The following RGPD2 variants were observed in gnomAD, a reference collection of about 807,000 sequenced individuals.
RGPD2 encodes the protein RANBP2-like and GRIP domain-containing protein 2.
In RGPD2, 2 loss-of-function variants were observed where a neutral mutation model predicts 36.0. The observed-to-expected ratio is 0.06, with a 90% CI of 0.02 to 0.17. The LOEUF (loss-of-function observed/expected upper bound fraction) is 0.17, where lower values mean the gene tolerates loss of function less well. RGPD2 is among the 10% of genes least tolerant of loss of function. The pLI is 1.00. For missense variants in RGPD2, 40 were observed against 464.3 expected (o/e 0.09, Z 8.40); for synonymous variants, 19 against 163.8 (o/e 0.12, Z 6.75).
chr2:87,830,828 G>A, the RGPD2 span, among the ~76,000 whole-genome samples: 2 of 151,942 alleles, frequency 1.3e-5, no homozygotes, highest in Non-Finnish European at 2.9e-5. Flanking sequence ...GAACAGCACT[G>A]GAAAAACCCA....
chr2:87,905,672 T>A, the RGPD2 span, among the ~76,000 whole-genome samples: 1 of 150,014 alleles, frequency 6.7e-6, no homozygotes, highest in South Asian at 2.1e-4. Flanking sequence ...TTTACAACAT[T>A]TCAATCACTT....
chr2:87,973,208 A>G, the RGPD2 span: 2 of 1,607,972 alleles, frequency 1.2e-6, no homozygotes, highest in Non-Finnish European at 1.7e-6. Flanking sequence ...TCCTCCCACC[A>G]GAGTGCCCTC....
chr2:87,927,156 C>T, the RGPD2 span, among the ~76,000 whole-genome samples: 3 of 128,860 alleles, frequency 2.3e-5, no homozygotes, highest in Non-Finnish European at 3.4e-5. Context: ...CCAATGAAGA[C>T]GAAATGATAA....
the RGPD2 span, among the ~76,000 whole-genome samples, chr2:87,940,632 TTGTG>T: frequency 1.5e-5 from 2 of 130,922 alleles, no homozygotes; most frequent in Admixed American, 8.0e-5. Flanking sequence ...AATTTTCTGT[TTGTG>T]TGTGTGTGTG....
At chr2:87,857,648 A>G in the RGPD2 span, among the ~76,000 whole-genome samples, 1 of 151,946 alleles carries the variant, frequency 6.6e-6, no homozygotes, top group African/African-American at 2.4e-5. Flanking sequence ...TACTTAAAAT[A>G]GTAGTCGAGG....
chr2:87,967,251 C>T, the RGPD2 span, among the ~76,000 whole-genome samples: 1 of 142,978 alleles, frequency 7.0e-6, no homozygotes, highest in Non-Finnish European at 1.5e-5. Flanking sequence ...ACTAAAAATA[C>T]AAAAAAATTA....
the RGPD2 span, among the ~76,000 whole-genome samples, chr2:87,912,329 A>T: frequency 1.3e-5 from 2 of 152,104 alleles, no homozygotes. Context: ...GTTAAAATGG[A>T]CTTCACACTT....
the RGPD2 span, among the ~76,000 whole-genome samples, chr2:87,983,264 G>A: frequency 1.3e-5 from 2 of 152,206 alleles, no homozygotes; most frequent in African/African-American, 2.4e-5. Context: ...AGGTTGTAGT[G>A]AGCCAGGATA....
chr2:87,844,479 T>C, the RGPD2 span, among the ~76,000 whole-genome samples: 2 of 149,854 alleles, frequency 1.3e-5, no homozygotes, highest in Non-Finnish European at 3.0e-5. Flanking sequence ...TTCACTCTTG[T>C]TCTGATTTGC....
At chr2:87,876,044 G>C in the RGPD2 span, among the ~76,000 whole-genome samples, 7 of 151,464 alleles carry the variant, frequency 4.6e-5, no homozygotes, top group Admixed American at 4.6e-4. Context: ...AGTTCATTGG[G>C]GTCAGTGATA....
intron 7 of RGPD2, among the ~76,000 whole-genome samples, chr2:87,805,688 T>C (rs1685920289): frequency 6.6e-6 from 1 of 152,050 alleles, no homozygotes; most frequent in Non-Finnish European, 1.5e-5. Context: ...TGAAACCCCG[T>C]CTCTACTAAA....
chr2:87,864,599 TA>T, the RGPD2 span, among the ~76,000 whole-genome samples: 1 of 152,122 alleles, frequency 6.6e-6, no homozygotes, highest in Non-Finnish European at 1.5e-5. Context: ...GATAGATAGA[TA>T]GATAGATAGA....
At chr2:87,986,551 A>C in the RGPD2 span, among the ~76,000 whole-genome samples, 1 of 151,340 alleles carries the variant, frequency 6.6e-6, no homozygotes. Context: ...GCTCCCCTTC[A>C]CTCTTAAAGA....
chr2:87,824,298 G>T (rs1393186191), intron 1 of RGPD2, among the ~76,000 whole-genome samples: 1 of 151,810 alleles, frequency 6.6e-6, no homozygotes, highest in African/African-American at 2.4e-5. Context: ...AAGGGCAAAA[G>T]CACATGTGAG....
the RGPD2 span, among the ~76,000 whole-genome samples, chr2:87,974,800 TC>T: frequency 6.6e-6 from 1 of 152,234 alleles, no homozygotes. Context: ...CTAACACCAA[TC>T]AAACCATATC....
At chr2:87,913,189 T>C in the RGPD2 span, among the ~76,000 whole-genome samples, 1 of 152,056 alleles carries the variant, frequency 6.6e-6, no homozygotes, top group African/African-American at 2.4e-5. Context: ...GTGGCACATA[T>C]ACACCATGGA....
At chr2:87,887,000 C>A in the RGPD2 span, among the ~76,000 whole-genome samples, 1 of 150,838 alleles carries the variant, frequency 6.6e-6, no homozygotes, top group Admixed American at 6.6e-5. Context: ...ATACTTCAGG[C>A]CTTTGATAAA....
At chr2:87,841,352 A>G in the RGPD2 span, among the ~76,000 whole-genome samples, 1 of 152,154 alleles carries the variant, frequency 6.6e-6, no homozygotes, top group South Asian at 2.1e-4. Context: ...ATGCTTGTAC[A>G]ACCTGCAGAA....
chr2:87,915,439 GTA>G, the RGPD2 span, among the ~76,000 whole-genome samples: 1 of 135,756 alleles, frequency 7.4e-6, no homozygotes, highest in Non-Finnish European at 1.6e-5. Context: ...ATATGTATGT[GTA>G]TATATATACA....
Sources: allele counts gnomAD v4.1 joint callset (sites outside exome capture counted in the v4.1 genomes callset), GRCh38; gene constraint gnomAD v4.1.1; transcripts MANE v1.5; gene names NCBI Gene and HGNC (gene_info 2026-07-23, HGNC 2026-07-21).